Variants in CCDC171 observed in about 807,000 individuals in gnomAD.
CCDC171 encodes the protein coiled-coil domain containing 171.
A neutral mutation model predicts 168.2 loss-of-function variants in CCDC171; 177 were observed. That is an observed-to-expected ratio of 1.05 (90% CI 0.93 to 1.19). The LOEUF is 1.19. Ranked by LOEUF, CCDC171 falls within the 50% of genes most tolerant of loss-of-function variation. The pLI, the probability that CCDC171 is intolerant of heterozygous loss-of-function variation, is 0.00. For synonymous variants in CCDC171, 687 were observed against 540.8 expected (o/e 1.27, Z -3.75); for missense variants, 1,991 against 1,539.0 (o/e 1.29, Z -4.91).
At chr9:15,573,697 G>A (rs1035129243) in intron 3 of CCDC171, among the ~76,000 whole-genome samples, 2 of 152,106 alleles carry the variant, frequency 1.3e-5, no homozygotes, top group African/African-American at 4.8e-5. Flanking sequence ...TCTAAAACTT[G>A]TTTTTTTAAA....
At chr9:15,836,846 G>C (rs2060473608) in intron 21 of CCDC171, among the ~76,000 whole-genome samples, 1 of 152,156 alleles carries the variant, frequency 6.6e-6, no homozygotes, top group South Asian at 2.1e-4. Context: ...CGTATCAGTG[G>C]AACGGGAGAA....
intron 21 of CCDC171, among the ~76,000 whole-genome samples, chr9:15,828,886 A>G (rs1439434883): frequency 6.6e-6 from 1 of 152,188 alleles, no homozygotes; most frequent in Non-Finnish European, 1.5e-5. Flanking sequence ...GGGTTTTTGT[A>G]TCTTTAGTTC....
At chr9:15,905,293 A>G (rs1352116721) in intron 24 of CCDC171, among the ~76,000 whole-genome samples, 1 of 151,330 alleles carries the variant, frequency 6.6e-6, no homozygotes, top group African/African-American at 2.4e-5. Flanking sequence ...CTCAGCAAAT[A>G]TAAAAGAACG....
intron 18 of CCDC171, among the ~76,000 whole-genome samples, chr9:15,749,176 T>C (rs1437101433): frequency 6.7e-6 from 1 of 149,816 alleles, no homozygotes; most frequent in Non-Finnish European, 1.5e-5. Context: ...GCTATTCTAG[T>C]CTCTGATACA....
intron 3 of CCDC171, among the ~76,000 whole-genome samples, chr9:15,983,508 G>A (rs1225470131): frequency 7.0e-6 from 1 of 143,382 alleles, no homozygotes; most frequent in Non-Finnish European, 1.5e-5. Flanking sequence ...GTGTGTGTGT[G>A]TGTGAGAGAG....
chr9:16,086,525 C>T, the CCDC171 span, among the ~76,000 whole-genome samples: 91 of 152,158 alleles, frequency 6.0e-4, no homozygotes, highest in African/African-American at 2.1e-3. Flanking sequence ...TCAGGCTGGT[C>T]TCGAACTCCT....
intron 1 of CCDC171, among the ~76,000 whole-genome samples, chr9:15,554,023 C>CTTTT (rs143936791): frequency 1.4e-5 from 2 of 143,292 alleles, no homozygotes; most frequent in African/African-American, 2.6e-5. Context: ...GATTTTGTCA[C>CTTTT]TTTTTTTTTT....
intron 21 of CCDC171, among the ~76,000 whole-genome samples, chr9:15,818,975 T>C (rs2059661686): frequency 8.5e-6 from 1 of 117,104 alleles, no homozygotes; most frequent in African/African-American, 3.2e-5. Flanking sequence ...GGGAAGCCCA[T>C]CAGACTAACA....
intron 3 of CCDC171, among the ~76,000 whole-genome samples, chr9:15,984,497 T>G (rs897679378): frequency 1.3e-5 from 2 of 151,928 alleles, no homozygotes; most frequent in African/African-American, 2.4e-5. Context: ...AATTATTAAA[T>G]AAGTGTATTA....
chr9:15,615,225 A>T (rs1587428707), intron 6 of CCDC171, among the ~76,000 whole-genome samples: 1 of 152,206 alleles, frequency 6.6e-6, no homozygotes, highest in Non-Finnish European at 1.5e-5. Context: ...AAATCAATCA[A>T]TATAATTCTA....
intron 21 of CCDC171, among the ~76,000 whole-genome samples, chr9:15,814,685 T>C (rs1285194969): frequency 6.6e-6 from 1 of 152,008 alleles, no homozygotes; most frequent in Non-Finnish European, 1.5e-5. Context: ...TTTTATTATA[T>C]ATAGAAAATT....
chr9:15,715,226 G>T (rs1424678586), intron 11 of CCDC171, among the ~76,000 whole-genome samples: 1 of 152,232 alleles, frequency 6.6e-6, no homozygotes, highest in Non-Finnish European at 1.5e-5. Flanking sequence ...CGTAGTTAGA[G>T]AGTGAGAAGG....
chr9:15,794,021 G>A (rs1006467414), intron 21 of CCDC171, among the ~76,000 whole-genome samples: 1 of 16,034 alleles, frequency 6.2e-5, no homozygotes, highest in Non-Finnish European at 1.7e-4. Flanking sequence ...TACAGTGTTG[G>A]GTGGAGGTGG....
the CCDC171 span, among the ~76,000 whole-genome samples, chr9:16,095,539 T>G: frequency 6.6e-6 from 1 of 151,304 alleles, no homozygotes; most frequent in Non-Finnish European, 1.5e-5. Flanking sequence ...ACACGCTCTC[T>G]CTTTCTCTCT....
chr9:16,063,541 A>C (rs1054194565), downstream of CCDC171, among the ~76,000 whole-genome samples: 2 of 152,194 alleles, frequency 1.3e-5, no homozygotes, highest in African/African-American at 4.8e-5. Flanking sequence ...TTTCATTTGC[A>C]TTGGTTTACT....
intron 11 of CCDC171, among the ~76,000 whole-genome samples, chr9:15,700,858 A>G (rs1354815888): frequency 6.6e-6 from 1 of 151,144 alleles, no homozygotes; most frequent in Non-Finnish European, 1.5e-5. Flanking sequence ...CCCACCAACA[A>G]TGTATAAGAG....
chr9:15,630,530 T>G (rs1337255106), intron 7 of CCDC171, among the ~76,000 whole-genome samples: 1 of 152,096 alleles, frequency 6.6e-6, no homozygotes, highest in South Asian at 2.1e-4. Context: ...ATAAAGCAAG[T>G]CCTGAGTGAC....
At chr9:15,966,953 G>A (rs901557450) in intron 25 of CCDC171, among the ~76,000 whole-genome samples, 1 of 152,068 alleles carries the variant, frequency 6.6e-6, no homozygotes, top group Non-Finnish European at 1.5e-5. Context: ...AAGTATATGT[G>A]TGTGTGTATA....
intron 7 of CCDC171, among the ~76,000 whole-genome samples, chr9:15,641,707 G>T (rs1423693044): frequency 6.6e-6 from 1 of 151,926 alleles, no homozygotes; most frequent in Admixed American, 6.6e-5. Context: ...GATCTAATTG[G>T]GCTTAATATG....
Sources: allele counts gnomAD v4.1 joint callset (sites outside exome capture counted in the v4.1 genomes callset), GRCh38; gene constraint gnomAD v4.1.1; transcripts MANE v1.5; gene names NCBI Gene and HGNC (gene_info 2026-07-23, HGNC 2026-07-21).